The following HIPK3 variants were observed in gnomAD, a reference collection of about 807,000 sequenced individuals.
HIPK3 encodes homeodomain interacting protein kinase 3.
Under a neutral mutation model 124.2 loss-of-function variants are expected in HIPK3, and 47 were observed. The observed-to-expected ratio is 0.38, with a 90% CI of 0.30 to 0.48. HIPK3 has a LOEUF of 0.48. Among genes scored for constraint, HIPK3 ranks in the 20% least tolerant of loss-of-function variants. HIPK3 has a pLI of 0.98. For missense variants in HIPK3, 1,286 were observed against 1,454.3 expected, an observed-to-expected ratio of 0.88 and a Z score of 1.88; for synonymous variants, 482 against 515.2, an observed-to-expected ratio of 0.94 and a Z score of 0.87.
At chr11:33,344,843 G>T (rs573643925) in intron 8 of HIPK3, among the ~76,000 whole-genome samples, 1 of 152,138 alleles carries the variant, frequency 6.6e-6, no homozygotes, top group African/African-American at 2.4e-5. Context: ...AGTATCTAAC[G>T]GGTAGATGTT....
intron 1 of HIPK3, among the ~76,000 whole-genome samples, chr11:33,285,469 T>A (rs984822316): frequency 1.3e-5 from 2 of 151,984 alleles, no homozygotes; most frequent in Admixed American, 6.6e-5. Context: ...AGGATAATAT[T>A]TTTAGTAAAT....
At chr11:33,274,528 A>G (rs1290975534) in intron 1 of HIPK3, among the ~76,000 whole-genome samples, 1 of 152,208 alleles carries the variant, frequency 6.6e-6, no homozygotes, top group Admixed American at 6.5e-5. Flanking sequence ...ATTTTTCTTT[A>G]GTACTTAAGT....
intron 1 of HIPK3, among the ~76,000 whole-genome samples, chr11:33,285,297 G>A (rs1396375798): frequency 6.9e-6 from 1 of 144,508 alleles, no homozygotes; most frequent in Non-Finnish European, 1.5e-5. Flanking sequence ...AATTTGATTT[G>A]AAAATATGAT....
At chr11:33,346,268 CCTG>C in intron 8 of HIPK3, among the ~76,000 whole-genome samples, 2 of 152,194 alleles carry the variant, frequency 1.3e-5, no homozygotes, top group Non-Finnish European at 2.9e-5. Flanking sequence ...GTCTGGTAAT[CCTG>C]CTTTCTAATT....
intron 2 of HIPK3, among the ~76,000 whole-genome samples, chr11:33,306,629 T>G (rs909203412): frequency 6.6e-6 from 1 of 152,242 alleles, no homozygotes; most frequent in Non-Finnish European, 1.5e-5. Context: ...TGACCTTTCT[T>G]GGCCTCAGTT....
chr11:33,326,430 G>T (rs1233029084), intron 2 of HIPK3, among the ~76,000 whole-genome samples: 1 of 152,118 alleles, frequency 6.6e-6, no homozygotes, highest in Non-Finnish European at 1.5e-5. Context: ...GTACTGAGAA[G>T]GTCTGGGAAC....
intron 2 of HIPK3, among the ~76,000 whole-genome samples, chr11:33,301,344 C>T (rs962228912): frequency 2.0e-5 from 3 of 152,176 alleles, no homozygotes; most frequent in Admixed American, 2.0e-4. Context: ...CCTCCCCAAA[C>T]TCCTTCTCTC....
chr11:33,303,937 G>A (rs1467176179), intron 2 of HIPK3, among the ~76,000 whole-genome samples: 4 of 151,942 alleles, frequency 2.6e-5, no homozygotes, highest in Admixed American at 2.0e-4. Flanking sequence ...TGATATATAT[G>A]TGTATATATA....
chr11:33,288,472 A>G (rs1851614150), intron 2 of HIPK3, among the ~76,000 whole-genome samples: 1 of 152,076 alleles, frequency 6.6e-6, no homozygotes. Flanking sequence ...ACAAAACAAA[A>G]CACAAATATA....
chr11:33,320,970 A>G (rs1852646833), intron 2 of HIPK3, among the ~76,000 whole-genome samples: 2 of 152,152 alleles, frequency 1.3e-5, no homozygotes, highest in South Asian at 4.1e-4. Flanking sequence ...AAAACATGTG[A>G]CAGGATGAGA....
At chr11:33,301,855 C>CACACACACACACACACACACACACAA (rs66571916) in intron 2 of HIPK3, among the ~76,000 whole-genome samples, 1 of 151,386 alleles carries the variant, frequency 6.6e-6, no homozygotes, top group Admixed American at 6.6e-5. Context: ...CACACACACA[C>CACACACACACACACACACACACACAA]GAGTACAGTA....
intron 2 of HIPK3, among the ~76,000 whole-genome samples, chr11:33,306,270 T>A: frequency 6.6e-6 from 1 of 152,298 alleles, no homozygotes; most frequent in African/African-American, 2.4e-5. Context: ...AGGAAAGCAT[T>A]CATTGTAAAT....
At chr11:33,311,837 T>TACACACACACACACACACACAC (rs370396153) in intron 2 of HIPK3, among the ~76,000 whole-genome samples, 13 of 104,488 alleles carry the variant, frequency 1.2e-4, no homozygotes, top group African/African-American at 4.1e-4. Flanking sequence ...ACCCTGTTTC[T>TACACACACACACACACACACAC]ACACACACAC....
chr11:33,257,652 G>A lies in HIPK3; in HGVS notation c.-240G>A, dbSNP rs778571111. ...AAGGAAGATGAGGGAGACGGGCCCG[G>A]CGCTTAGCAGCCAGAGCAGCAGCAG... On this transcript the variant is annotated 5_prime_UTR_variant, in exon 1 of 17. Transcript: ENST00000303296. 5.5e-5 allele frequency: 55 copies of A among 991,732 alleles called. No individual in the cohort carries two copies. The highest frequency in any genetic ancestry group is 6.5e-5 in the Non-Finnish European group (54 of 834,552). 61.4% of individuals were successfully genotyped at this position (991,732 alleles called of 1,614,324 possible). A position where few individuals can be genotyped will look rare whatever the true frequency, so the allele number is the denominator to read the frequency against.
intron 2 of HIPK3, among the ~76,000 whole-genome samples, chr11:33,308,587 A>C (rs1472401934): frequency 6.7e-6 from 1 of 148,530 alleles, no homozygotes; most frequent in Admixed American, 6.8e-5. Flanking sequence ...TTGTTTAAGC[A>C]CTTGATCTAC....
intron 2 of HIPK3, among the ~76,000 whole-genome samples, chr11:33,311,874 C>CACACACT (rs1852352929): frequency 7.8e-6 from 1 of 128,262 alleles, no homozygotes; most frequent in African/African-American, 3.0e-5. Flanking sequence ...ACACACTACA[C>CACACACT]ACACACACTT....
chr11:33,341,571 CA>C lies in HIPK3; in HGVS notation c.1783del (p.Thr595HisfsTer30). 6.2e-7 allele frequency: 1 copy of C among 1,608,976 alleles called. No individual in the cohort carries two copies. Among genetic ancestry groups the C allele is most frequent in the Non-Finnish European group, 8.5e-7 (1 of 1,177,794 alleles). On this transcript the variant is annotated frameshift_variant, in exon 8 of 17. Transcript: ENST00000303296. LOFTEE classifies it high-confidence loss of function. The stretch of plus-strand genomic sequence containing the variant: ...TGTGCTCGTTGTTTCAGGCATTGAC[CA>C]CATCTGCTCATTCAGTTGTGCACCA... ...IGTLRSQALT[T>X]SAHSVVHHGI...
chr11:33,257,928 G>C (rs1195730086), intron 1 of HIPK3, 39 bp downstream of exon 1: 17 of 985,442 alleles, frequency 1.7e-5, no homozygotes, highest in Non-Finnish European at 1.9e-5. Flanking sequence ...ACCCCGGGGT[G>C]GGGGGATCGG....
intron 3 of HIPK3, among the ~76,000 whole-genome samples, chr11:33,336,554 A>AT (rs1292705870): frequency 1.3e-5 from 2 of 152,068 alleles, no homozygotes; most frequent in African/African-American, 4.8e-5. Flanking sequence ...TAAGCTGTCA[A>AT]TTTCTTGCTG....
Sources: allele counts gnomAD v4.1 joint callset (sites outside exome capture counted in the v4.1 genomes callset), GRCh38; gene constraint gnomAD v4.1.1; transcripts MANE v1.5; gene names NCBI Gene and HGNC (gene_info 2026-07-23, HGNC 2026-07-21).